Variants in MISP observed in about 807,000 individuals in gnomAD.
MISP encodes mitotic interactor and substrate of PLK1.
MISP carries 51 observed loss-of-function variants against 49.3 expected under a neutral mutation model. That is an observed-to-expected ratio of 1.03 (90% confidence interval 0.83 to 1.31). MISP has a LOEUF of 1.31. MISP is among the 50% of genes most tolerant of loss of function. The pLI, the probability that MISP is intolerant of heterozygous loss-of-function variation, is 0.00. For synonymous variants in MISP, 444 were observed against 392.6 expected (o/e 1.13, Z -1.55); for missense variants, 1,084 against 935.1 (o/e 1.16, Z -2.08).
chr19:756,365 G>A (rs2033549115), intron 1 of MISP, among the ~76,000 whole-genome samples: 1 of 152,178 alleles, frequency 6.6e-6, no homozygotes. Flanking sequence ...GCTGGACTAG[G>A]TCACTTACCC....
intron 3 of MISP, among the ~76,000 whole-genome samples, chr19:760,785 G>C (rs1258697523): frequency 6.6e-6 from 1 of 151,914 alleles, no homozygotes; most frequent in Non-Finnish European, 1.5e-5. Context: ...AGAGACGGAG[G>C]GATGTGTCTG....
chr19:754,027 G>T (rs996097836), intron 1 of MISP, among the ~76,000 whole-genome samples: 1 of 152,150 alleles, frequency 6.6e-6, no homozygotes, highest in African/African-American at 2.4e-5. Flanking sequence ...AACTATGAAA[G>T]ATGATGTCTG....
In MISP at chr19:751,556, C is replaced by T. The variant is rs545298774; in HGVS notation, c.-58+385C>T. On this transcript the variant is annotated intron_variant, in intron 1 of 4. Coordinates refer to ENST00000215582, the MANE Select transcript of MISP (RefSeq NM_173481.4). Reference sequence around the variant, plus strand: ...AATTCCAGAGGCTTCTGGAGAGATGCTTATCCGTCCCACCAGGCCCCTGAC... The same window carrying T: ...AATTCCAGAGGCTTCTGGAGAGATGTTTATCCGTCCCACCAGGCCCCTGAC... Among the ~76,000 whole-genome samples the T allele has an allele frequency of 6.6e-3, 1,008 of 152,256 alleles. 7 individuals are homozygous for T. Among genetic ancestry groups the T allele is most frequent in the Non-Finnish European group, 0.013 (854 of 67,998 alleles).
chr19:763,612 C>T lies in MISP; in HGVS notation c.*22C>T, dbSNP rs765295436. The T allele has an allele frequency of 6.3e-7, 1 of 1,579,800 alleles. No homozygotes were observed. Among genetic ancestry groups the T allele is most frequent in the South Asian group, 1.1e-5 (1 of 90,104 alleles). ...CTGAGCCTCGGGATGGGGCGCCCACCCCCTGCCCTGCCCTGACCCTCGTGG... is the reference window on the plus strand; with the variant it reads ...CTGAGCCTCGGGATGGGGCGCCCACTCCCTGCCCTGCCCTGACCCTCGTGG... On this transcript the variant is annotated 3_prime_UTR_variant, in exon 5 of 5. Coordinates refer to ENST00000215582, the MANE Select transcript of MISP (RefSeq NM_173481.4).
chr19:749,807 A>G (rs2033431633), upstream of MISP, among the ~76,000 whole-genome samples: 2 of 151,872 alleles, frequency 1.3e-5, no homozygotes, highest in Non-Finnish European at 1.5e-5. Flanking sequence ...CTGGGTGACA[A>G]GAGCGAGACT....
rs1292772624 is a variant in MISP, at chr19:758,256, A to C, written c.1310A>C (p.Glu437Ala). 3 of 1,613,728 alleles carry C rather than the reference A, an allele frequency of 1.9e-6. No homozygotes were observed. The South Asian group carries it at 3.3e-5, about 18-fold the overall frequency. ...CTGAGCCCCGGGACCCCCCAGCTAG[A>C]ATTCTCAGCCTTCGGAGCATTCGGC... is the stretch of plus-strand genomic sequence containing the variant. ...PYLSPGTPQL[E>A]FSAFGAFGKP... Residue 437 changes from glutamate (E) to alanine (A), a missense_variant, in exon 2 of 5, where the codon GAA (glutamate) becomes GCA (alanine). By Grantham distance (107) the Glu-to-Ala change is moderately radical. Coordinates refer to ENST00000215582, the MANE Select transcript of MISP (RefSeq NM_173481.4).
At chr19:749,212 T>A (rs1020486419), upstream of MISP, among the ~76,000 whole-genome samples, 2 of 152,182 alleles carry the variant, frequency 1.3e-5, no homozygotes, top group African/African-American at 4.8e-5. Context: ...GTCTCCACAG[T>A]GCCCCCAGCT....
upstream of MISP, among the ~76,000 whole-genome samples, chr19:749,219 A>C (rs1260591594): frequency 6.6e-6 from 1 of 152,188 alleles, no homozygotes; most frequent in East Asian, 1.9e-4. Context: ...CAGTGCCCCC[A>C]GCTCATGGGC....
chr19:756,422 A>G (rs1373502161), intron 1 of MISP, among the ~76,000 whole-genome samples: 1 of 151,242 alleles, frequency 6.6e-6, no homozygotes, highest in Admixed American at 6.6e-5. Flanking sequence ...GCTCTGATTG[A>G]TCAGGATGAG....
intron 4 of MISP, among the ~76,000 whole-genome samples, chr19:762,950 G>T (rs1044943046): frequency 2.0e-5 from 3 of 152,144 alleles, no homozygotes; most frequent in Admixed American, 6.6e-5. Flanking sequence ...GGGATTATAG[G>T]CATGAGCCAC....
chr19:758,172 A>C lies in MISP; in HGVS notation c.1226A>C (p.Asp409Ala), dbSNP rs762830846. The C allele has an allele frequency of 1.9e-6, 3 of 1,612,244 alleles. No homozygotes were observed. In the African/African-American group the frequency reaches 4.0e-5, roughly 22 times the overall value. ...CCGGCCCCAGATGCCCGTGCGGCCGACCCAGCTCCAGAAGTGAGGAAGGTG... is the reference window on the plus strand; with the variant it reads ...CCGGCCCCAGATGCCCGTGCGGCCGCCCCAGCTCCAGAAGTGAGGAAGGTG... ...LSPAPDARAA[D>A]PAPEVRKVNR... Residue 409 changes from aspartate to alanine, a missense_variant, in exon 2 of 5, where the codon GAC (aspartate) becomes GCC (alanine). Physicochemically the swap from Asp to Ala is moderately radical, Grantham distance 126 (BLOSUM62 -2). Transcript: ENST00000215582.
At chr19:749,506 T>C (rs796603972), upstream of MISP, among the ~76,000 whole-genome samples, 40 of 150,724 alleles carry the variant, frequency 2.7e-4, no homozygotes, top group African/African-American at 9.6e-4. Context: ...CGCTGTCCTT[T>C]GGGGGCCCTT....
Position 757,139 on chromosome 19 carries a change from G to C in MISP, c.193G>C (p.Gly65Arg). Residue 65 changes from glycine to arginine, a missense_variant, in exon 2 of 5, where the codon GGG becomes CGG. Physicochemically the swap from Gly to Arg is moderately radical, Grantham distance 125. Transcript: ENST00000215582. ...HRAQQGVQRQ[G>R]VSYSVHAYTG... ...GGCCCAGCAGGGCGTGCAGAGGCAG[G>C]GGGTGTCCTACAGCGTGCATGCCTA... The C allele has an allele frequency of 6.2e-7, 1 of 1,613,330 alleles. No individual in the cohort carries two copies. The highest frequency in any genetic ancestry group is 1.7e-5 in the Admixed American group (1 of 60,030).
intron 3 of MISP, among the ~76,000 whole-genome samples, chr19:761,182 C>T (rs899354162): frequency 2.8e-5 from 4 of 145,442 alleles, no homozygotes; most frequent in East Asian, 2.1e-4. Context: ...CTCTGCCTCC[C>T]GGGTTCAAGC....
chr19:750,561 G>T (rs1040458072), upstream of MISP, among the ~76,000 whole-genome samples: 1 of 152,274 alleles, frequency 6.6e-6, no homozygotes, highest in East Asian at 1.9e-4. Flanking sequence ...CCCTGAGGGA[G>T]CCCGGGCGTG....
intron 1 of MISP, among the ~76,000 whole-genome samples, chr19:752,546 G>A (rs1024973466): frequency 6.7e-6 from 1 of 150,238 alleles, no homozygotes; most frequent in Non-Finnish European, 1.5e-5. Flanking sequence ...GGGGGGCGGG[G>A]GTGGGCACTG....
At chr19:762,537 G>A (rs2033689610) in intron 4 of MISP, among the ~76,000 whole-genome samples, 1 of 152,218 alleles carries the variant, frequency 6.6e-6, no homozygotes, top group Non-Finnish European at 1.5e-5. Context: ...ACAGGTGTGA[G>A]CCACCGCACC....
In MISP at chr19:758,105, C is replaced by T; in HGVS notation, c.1159C>T (p.Pro387Ser). Residue 387 changes from proline (P) to serine (S), a missense_variant, in exon 2 of 5, where the codon CCC (proline) becomes TCC (serine). Pro to Ser is a moderately conservative substitution (Grantham distance 74). Coordinates refer to ENST00000215582, the MANE Select transcript of MISP (RefSeq NM_173481.4). ...TPDWVSEGPQ[P>S]GLRRALSSDS... ...CGACTGGGTCTCGGAGGGTCCCCAGCCCGGACTCCGGAGAGCCCTCAGCTC... is the reference window on the plus strand; with the variant it reads ...CGACTGGGTCTCGGAGGGTCCCCAGTCCGGACTCCGGAGAGCCCTCAGCTC... 2 of 1,597,564 alleles carry T rather than the reference C, an allele frequency of 1.3e-6. No homozygotes were observed. Among genetic ancestry groups the T allele is most frequent in the Non-Finnish European group, 8.5e-7 (1 of 1,172,154 alleles).
chr19:762,585 G>A (rs544402119), intron 4 of MISP, among the ~76,000 whole-genome samples: 81 of 152,256 alleles, frequency 5.3e-4, no homozygotes, highest in African/African-American at 1.9e-3. Flanking sequence ...GTATGCATCT[G>A]AGACTATTCA....
Sources: gnomAD v4.1 joint callset for allele counts (sites outside exome capture counted in the v4.1 genomes callset) on GRCh38, gnomAD v4.1.1 for gene constraint, MANE v1.5 for transcripts, NCBI Gene and HGNC (gene_info 2026-07-23, HGNC 2026-07-21) for gene names.